SCUBE2: variants seen among roughly 807,000 people sequenced by gnomAD.
SCUBE2 encodes signal peptide, CUB domain and EGF like domain containing 2.
A neutral mutation model predicts 125.9 loss-of-function variants in SCUBE2; 114 were observed. That is an observed-to-expected ratio of 0.91 (90% CI 0.78 to 1.06). SCUBE2 has a LOEUF of 1.06. SCUBE2 is among the 50% of genes least tolerant of loss of function. SCUBE2 has a pLI of 0.00. For synonymous variants in SCUBE2, 459 were observed against 492.9 expected (o/e 0.93, Z 0.91); for missense variants, 1,255 against 1,301.8 (o/e 0.96, Z 0.55).
chr11:9,019,960 C>T lies in SCUBE2; in HGVS notation c.*1085G>A, dbSNP rs577723411. On this transcript the variant is annotated 3_prime_UTR_variant, in exon 23 of 23. Transcript: ENST00000649792. ...CTGGCCTGACCCAAAGTGAGATGAT[C>T]GTGTGGCATTCAGGGGGTGTTTCTG... Among the ~76,000 whole-genome samples, 8 of 152,286 alleles carry T rather than the reference C, an allele frequency of 5.3e-5. No individual in the cohort carries two copies. The South Asian group carries it at 8.3e-4, about 16-fold the overall frequency.
chr11:9,052,860 T>C, intron 12 of SCUBE2, 28 bp from the exon 13 acceptor site: 1 of 1,505,192 alleles, frequency 6.6e-7, no homozygotes, highest in Non-Finnish European at 8.9e-7. Context: ...AATTGTCAAA[T>C]GCATAAGCAA....
chr11:9,065,639 A>T (rs955354109), intron 7 of SCUBE2, among the ~76,000 whole-genome samples: 3 of 152,198 alleles, frequency 2.0e-5, no homozygotes, highest in Admixed American at 2.0e-4. Context: ...GCCAAGTCTT[A>T]CAGCTAGGTG....
At chr11:9,054,893 C>G (rs1023910575) in intron 10 of SCUBE2, among the ~76,000 whole-genome samples, 5 of 151,376 alleles carry the variant, frequency 3.3e-5, no homozygotes, top group African/African-American at 1.2e-4. Context: ...CGCCACCACG[C>G]CCGGCTAATC....
intron 17 of SCUBE2, among the ~76,000 whole-genome samples, chr11:9,032,168 G>C (rs545663882): frequency 2.6e-4 from 40 of 151,856 alleles, no homozygotes; most frequent in Non-Finnish European, 1.5e-4. Context: ...GCCTAGGCTG[G>C]AGTGCAGTGG....
intron 13 of SCUBE2, among the ~76,000 whole-genome samples, chr11:9,051,241 T>TACCTACCTAC (rs1566200880): frequency 5.1e-5 from 5 of 98,738 alleles, no homozygotes; most frequent in Non-Finnish European, 8.8e-5. Flanking sequence ...TACCTACCTA[T>TACCTACCTAC]CTATCTATCT....
chr11:9,022,687 C>T (rs1433349259), intron 21 of SCUBE2: 2 of 152,596 alleles, frequency 1.3e-5, no homozygotes, highest in African/African-American at 4.8e-5. Context: ...GGACACCATG[C>T]TCTTTGGTTT....
chr11:9,049,043 G>A (rs960558026), intron 14 of SCUBE2, among the ~76,000 whole-genome samples: 2 of 151,950 alleles, frequency 1.3e-5, no homozygotes, highest in African/African-American at 4.8e-5. Context: ...TTTCCCTTTC[G>A]ATGTTTCCAT....
At chr11:9,030,706 T>C (rs894561288) in intron 18 of SCUBE2, 52 bp downstream of exon 18, 5 of 1,560,304 alleles carry the variant, frequency 3.2e-6, no homozygotes, top group South Asian at 1.2e-5. Context: ...ACTCCCATGA[T>C]ACTTAGAAGG....
intron 4 of SCUBE2, 35 bp downstream of exon 4, chr11:9,074,446 T>C: frequency 6.2e-7 from 1 of 1,611,996 alleles, no homozygotes; most frequent in Non-Finnish European, 8.5e-7. Flanking sequence ...GTCTCAGATG[T>C]GGCTCTGCCC....
chr11:9,057,178 T>G (rs1280964682), intron 9 of SCUBE2: 1 of 152,248 alleles, frequency 6.6e-6, no homozygotes, highest in Non-Finnish European at 1.5e-5. Context: ...CAGTATGGGC[T>G]TTTGCTTTGC....
chr11:9,091,395 C>G lies in SCUBE2; in HGVS notation c.133+1G>C. The G allele has an allele frequency of 7.6e-7, 1 of 1,313,702 alleles. No homozygotes were observed. The highest frequency in any genetic ancestry group is 9.6e-7 in the Non-Finnish European group (1 of 1,037,784). The allele number at this position is 1,313,702 out of a possible 1,614,324, so 81.4% of individuals were successfully genotyped here. On this transcript the variant is annotated splice_donor_variant, in intron 1 of 22. Transcript: ENST00000649792. LOFTEE classifies it high-confidence loss of function. This position sits in a 1 kb window ranked among gnomAD's most constrained non-coding sequence, Gnocchi z 8.5. ...GTGCGCCCCCGCGGCCGGACACTCA[C>G]CCTCCTGCGGCCCCGCGGCACGGCC...
At position 9,053,212 on chromosome 11, in the gene SCUBE2, A is replaced by T. The variant is rs767834987; in HGVS notation, c.1334T>A (p.Val445Glu). Reference protein sequence around the residue: ...LHWNKKDCVEVKGLLPTSVSP... With the variant: ...LHWNKKDCVEEKGLLPTSVSP... ...CACACTTGTGGGCAGGAGCCCCTTC[A>T]CTTCTAGACAGGACAAAACAGACAC... Residue 445 changes from valine to glutamate, a missense_variant, in exon 12 of 23, where the codon GTG (valine) becomes GAG (glutamate). This residue lies in a region of SCUBE2 where 378 missense variants were observed against 463.1 expected (regional missense o/e 0.82). Coordinates refer to ENST00000649792, the MANE Select transcript of SCUBE2 (RefSeq NM_001367977.2). 6.2e-7 allele frequency: 1 copy of T among 1,612,650 alleles called. No individual in the cohort carries two copies. The highest frequency in any genetic ancestry group is 1.3e-5 in the African/African-American group (1 of 74,902).
chr11:9,079,573 T>C, intron 2 of SCUBE2, 64 bp from the exon 3 acceptor site: 2 of 1,533,356 alleles, frequency 1.3e-6, no homozygotes, highest in African/African-American at 1.4e-5. Flanking sequence ...ACATATGCAC[T>C]TACCTCCAGC....
intron 12 of SCUBE2, 31 bp from the exon 13 acceptor site, chr11:9,052,863 A>T (rs1385332023): frequency 6.7e-7 from 1 of 1,491,280 alleles, no homozygotes; most frequent in African/African-American, 1.4e-5. Context: ...TGTCAAATGC[A>T]TAAGCAAGGT....
In SCUBE2 at chr11:9,053,657, C is replaced by T. The variant is rs1157305038; in HGVS notation, c.1310G>A (p.Trp437Ter). ...CQCHPGYKLH[W>*]NKKDCVEVKG... is the part of the protein sequence containing the mutation. ...CTTACCCACACAGTCTTTTTTATTC[C>T]AGTGGAGCTTGTACCCAGGGTGGCA... is the stretch of plus-strand genomic sequence containing the variant. The change falls in exon 11 of 23, where the codon TGG becomes TAG. Residue 437 changes from tryptophan to a stop codon, truncating the protein, a stop_gained. Coordinates refer to ENST00000649792, the MANE Select transcript of SCUBE2 (RefSeq NM_001367977.2). LOFTEE classifies it high-confidence loss of function. The T allele has an allele frequency of 6.2e-7, 1 of 1,614,066 alleles. No individual in the cohort carries two copies. The highest frequency in any genetic ancestry group is 8.5e-7 in the Non-Finnish European group (1 of 1,179,974).
chr11:9,075,363 TAAAAG>T (rs1861136670), intron 3 of SCUBE2, among the ~76,000 whole-genome samples: 1 of 152,034 alleles, frequency 6.6e-6, no homozygotes, highest in Non-Finnish European at 1.5e-5. Context: ...GATAAGCTAA[TAAAAG>T]ATGGGCCCTT....
At chr11:9,029,464 A>G (rs1566165504) in intron 19 of SCUBE2, among the ~76,000 whole-genome samples, 1 of 152,204 alleles carries the variant, frequency 6.6e-6, no homozygotes, top group South Asian at 2.1e-4. Flanking sequence ...CTCTCGAGAC[A>G]GAGTCAATCG....
chr11:9,027,581 G>C lies in SCUBE2; in HGVS notation c.2504-20C>G, dbSNP rs780662160. 18 of 1,603,316 alleles carry C rather than the reference G, an allele frequency of 1.1e-5. No individual in the cohort carries two copies. The African/African-American group carries it at 1.7e-4, about 15-fold the overall frequency. On this transcript the variant is annotated intron_variant, in intron 19 of 22. Transcript: ENST00000649792. ...TTCTGTCTGAAAAAGGAGATGCCCCGAGTTATGGCACGACACTGTCATCTC... is the reference window on the plus strand; with the variant it reads ...TTCTGTCTGAAAAAGGAGATGCCCCCAGTTATGGCACGACACTGTCATCTC...
intron 16 of SCUBE2, 117 bp downstream of exon 16, chr11:9,047,239 A>G: frequency 1.0e-6 from 1 of 994,234 alleles, no homozygotes; most frequent in East Asian, 2.5e-5. Context: ...CACTGCCCGG[A>G]GTGTTCTCTA....
Sources: allele counts gnomAD v4.1 joint callset (sites outside exome capture counted in the v4.1 genomes callset), GRCh38; gene constraint gnomAD v4.1.1; regional missense constraint gnomAD v4.1.1; non-coding constraint Gnocchi (gnomAD v3.1); transcripts MANE v1.5; gene names NCBI Gene and HGNC (gene_info 2026-07-23, HGNC 2026-07-21).